Variants in STXBP5 observed in about 807,000 individuals in gnomAD.
STXBP5 encodes the protein syntaxin binding protein 5.
In STXBP5, 50 loss-of-function variants were observed where a neutral mutation model predicts 152.4. That is an observed-to-expected ratio of 0.33 (90% confidence interval 0.26 to 0.42). The LOEUF is 0.42. Ranked by LOEUF, STXBP5 falls within the 10% of genes least tolerant of loss-of-function variation. STXBP5 has a pLI of 1.00. For missense variants in STXBP5, 1,167 were observed against 1,388.6 expected (o/e 0.84, Z 2.54); for synonymous variants, 492 against 494.7 (o/e 0.99, Z 0.07).
At chr6:147,224,693 T>C (rs529210708) in intron 2 of STXBP5, among the ~76,000 whole-genome samples, 1 of 152,350 alleles carries the variant, frequency 6.6e-6, no homozygotes, top group Admixed American at 6.5e-5. Flanking sequence ...TGCTTTTATT[T>C]ATTGACTTTC....
rs1786499757 is a variant in STXBP5, at chr6:147,389,662, CTATT to C, written c.*4913_*4916del. ...GATATAGGTTAATGGCAATGGAATCCTATTTATTTGGTAGTTGGTTTTGTTTGTT... is the reference window on the plus strand; with the variant it reads ...GATATAGGTTAATGGCAATGGAATCCTATTTGGTAGTTGGTTTTGTTTGTT... On this transcript the variant is annotated 3_prime_UTR_variant, in exon 28 of 28. Coordinates refer to ENST00000321680, the MANE Select transcript of STXBP5 (RefSeq NM_001127715.4). 1 of 151,640 alleles carries C rather than the reference CTATT, an allele frequency of 6.6e-6. No homozygotes were observed. The highest frequency in any genetic ancestry group is 6.6e-5 in the Admixed American group (1 of 15,192). 9.4% of individuals were successfully genotyped at this position (151,640 alleles called of 1,614,324 possible).
chr6:147,219,333 T>C lies in STXBP5; in HGVS notation c.248+13265T>C, dbSNP rs73582506. ...TGAATTCAGTTTGGTAAAAATTGTATTGAGAATTTTTGCATCCATCTTCAT... is the reference window on the plus strand; with the variant it reads ...TGAATTCAGTTTGGTAAAAATTGTACTGAGAATTTTTGCATCCATCTTCAT... On this transcript the variant is annotated intron_variant, in intron 2 of 27. Coordinates refer to ENST00000321680, the MANE Select transcript of STXBP5 (RefSeq NM_001127715.4). Among the ~76,000 whole-genome samples, 626 of 152,324 alleles carry C rather than the reference T, an allele frequency of 4.1e-3. 3 individuals carry two copies. The highest frequency in any genetic ancestry group is 0.014 in the African/African-American group (600 of 41,576).
At chr6:147,226,577 TATA>T (rs901258931) in intron 2 of STXBP5, among the ~76,000 whole-genome samples, 8 of 152,308 alleles carry the variant, frequency 5.3e-5, no homozygotes, top group Admixed American at 2.0e-4. Flanking sequence ...AGTATGACTG[TATA>T]ATAAGCAAGG....
At position 147,204,883 on chromosome 6, in the gene STXBP5, T is replaced by C. The variant is rs1024034582; in HGVS notation, c.150+201T>C. Reference sequence around the variant, plus strand: ...GAGATTGATACCTTACTCCTTTTCATTGATTTTTCTCTCTCCCCTTTGCAC... The same window carrying C: ...GAGATTGATACCTTACTCCTTTTCACTGATTTTTCTCTCTCCCCTTTGCAC... On this transcript the variant is annotated intron_variant, in intron 1 of 27. Coordinates refer to ENST00000321680, the MANE Select transcript of STXBP5 (RefSeq NM_001127715.4). This position sits in a 1 kb window ranked among gnomAD's most constrained non-coding sequence, Gnocchi z 4.3. Among the ~76,000 whole-genome samples, 1 of 152,202 alleles carries C rather than the reference T, an allele frequency of 6.6e-6. No individual in the cohort carries two copies. The highest frequency in any genetic ancestry group is 2.1e-4 in the South Asian group (1 of 4,834).
intron 4 of STXBP5, among the ~76,000 whole-genome samples, chr6:147,252,011 A>T (rs937367325): frequency 2.0e-5 from 3 of 152,118 alleles, no homozygotes; most frequent in Non-Finnish European, 4.4e-5. Context: ...GAAAACTAAC[A>T]AACAGAAAGG....
chr6:147,245,312 T>C (rs184430735), intron 4 of STXBP5, among the ~76,000 whole-genome samples: 1 of 152,168 alleles, frequency 6.6e-6, no homozygotes, highest in African/African-American at 2.4e-5. Flanking sequence ...GGAATTTTTT[T>C]AAATCAGCAA....
intron 4 of STXBP5, among the ~76,000 whole-genome samples, chr6:147,239,617 A>T (rs992634672): frequency 6.6e-6 from 1 of 152,236 alleles, no homozygotes; most frequent in African/African-American, 2.4e-5. Flanking sequence ...AGATTGTCTC[A>T]TATCAGCACA....
intron 2 of STXBP5, among the ~76,000 whole-genome samples, chr6:147,223,443 G>A (rs535682077): frequency 4.3e-4 from 65 of 152,162 alleles, no homozygotes; most frequent in Non-Finnish European, 7.2e-4. Context: ...TAAACATTTG[G>A]AAAATAAGAC....
At chr6:147,272,308 C>G (rs1237678954) in intron 7 of STXBP5, among the ~76,000 whole-genome samples, 1 of 152,148 alleles carries the variant, frequency 6.6e-6, no homozygotes, top group Non-Finnish European at 1.5e-5. Flanking sequence ...AGACTACAGA[C>G]CAGTATCCTT....
chr6:147,324,881 CA>C, intron 16 of STXBP5, 77 bp from the exon 17 acceptor site: 2 of 1,239,404 alleles, frequency 1.6e-6, no homozygotes, highest in East Asian at 5.6e-5. Context: ...AGTATCGTTT[CA>C]TATAAAAAGT....
intron 4 of STXBP5, among the ~76,000 whole-genome samples, chr6:147,255,148 G>A (rs1779293958): frequency 6.6e-6 from 1 of 152,190 alleles, no homozygotes; most frequent in African/African-American, 2.4e-5. Flanking sequence ...AAAAAAGGAT[G>A]AGATCATGTC....
intron 2 of STXBP5, among the ~76,000 whole-genome samples, chr6:147,230,180 T>G (rs930012171): frequency 2.6e-5 from 4 of 151,984 alleles, no homozygotes; most frequent in African/African-American, 9.7e-5. Context: ...TAAAGATGAT[T>G]GTTTATTTAT....
chr6:147,273,939 G>A (rs1341708746), intron 7 of STXBP5, among the ~76,000 whole-genome samples: 6 of 149,148 alleles, frequency 4.0e-5, no homozygotes, highest in South Asian at 2.1e-4. Flanking sequence ...GCGACAGAGC[G>A]AGACTCTGGC....
intron 2 of STXBP5, among the ~76,000 whole-genome samples, chr6:147,229,015 C>T (rs1461395143): frequency 2.0e-5 from 3 of 151,914 alleles, no homozygotes; most frequent in Non-Finnish European, 2.9e-5. Context: ...CTGTTAAATA[C>T]GTCTTGTTTT....
At chr6:147,263,610 G>T (rs1285150882) in intron 6 of STXBP5, among the ~76,000 whole-genome samples, 2 of 151,638 alleles carry the variant, frequency 1.3e-5, no homozygotes, top group African/African-American at 4.8e-5. Flanking sequence ...TATTTTTCAG[G>T]ATATCTTTAC....
rs1043062672 is a variant in STXBP5 at position 147,275,684 on chromosome 6, A to G, written c.715-2397A>G. Reference sequence around the variant, plus strand: ...GCCATTCTCCTGCCTCAGCCTCCCGAGTACCTGGGACTACAGGTACCCACC... The same window carrying G: ...GCCATTCTCCTGCCTCAGCCTCCCGGGTACCTGGGACTACAGGTACCCACC... On this transcript the variant is annotated intron_variant, in intron 7 of 27. Coordinates refer to ENST00000321680, the MANE Select transcript of STXBP5 (RefSeq NM_001127715.4). Among the ~76,000 whole-genome samples, 3 of 149,352 alleles carry G rather than the reference A, an allele frequency of 2.0e-5. No homozygotes were observed. The Admixed American group carries it at 2.0e-4, about 10-fold the overall frequency.
chr6:147,231,240 G>C (rs1777991438), intron 2 of STXBP5, among the ~76,000 whole-genome samples: 1 of 151,416 alleles, frequency 6.6e-6, no homozygotes, highest in Non-Finnish European at 1.5e-5. Flanking sequence ...CTTACATAGA[G>C]GGTCATGTCT....
intron 8 of STXBP5, among the ~76,000 whole-genome samples, chr6:147,285,847 A>G (rs1166893992): frequency 6.6e-6 from 1 of 152,186 alleles, no homozygotes; most frequent in Non-Finnish European, 1.5e-5. Flanking sequence ...GAAGTAAGTT[A>G]AAGGAGTTAT....
chr6:147,238,450 A>T (rs1010426766), intron 3 of STXBP5, among the ~76,000 whole-genome samples: 1 of 152,160 alleles, frequency 6.6e-6, no homozygotes, highest in African/African-American at 2.4e-5. Flanking sequence ...ACCTCTCAAC[A>T]CCACTTCACT....
Sources: allele counts gnomAD v4.1 joint callset (sites outside exome capture counted in the v4.1 genomes callset), GRCh38; gene constraint gnomAD v4.1.1; non-coding constraint Gnocchi (gnomAD v3.1); transcripts MANE v1.5; gene names NCBI Gene and HGNC (gene_info 2026-07-23, HGNC 2026-07-21).